Variants in UBE2K observed in about 807,000 individuals in gnomAD.
UBE2K encodes ubiquitin-conjugating enzyme E2 K.
UBE2K carries 6 observed loss-of-function variants against 30.0 expected under a neutral mutation model. The observed-to-expected ratio is 0.20, with a 90% CI of 0.11 to 0.39. UBE2K has a LOEUF of 0.39. Among genes scored for constraint, UBE2K ranks in the 10% least tolerant of loss-of-function variants. UBE2K has a pLI of 1.00. For synonymous variants in UBE2K, 86 were observed against 83.7 expected, an observed-to-expected ratio of 1.03 and a Z score of -0.15; for missense variants, 61 against 241.6, an observed-to-expected ratio of 0.25 and a Z score of 4.96.
chr4:39,753,339 G>T (rs892926405), intron 3 of UBE2K, among the ~76,000 whole-genome samples: 3 of 150,862 alleles, frequency 2.0e-5, no homozygotes, highest in African/African-American at 7.3e-5. Flanking sequence ...ACAGCAGTGA[G>T]ACCTTCTCTG....
At chr4:39,698,929 C>T (rs1717855190) in intron 1 of UBE2K, among the ~76,000 whole-genome samples, 1 of 152,104 alleles carries the variant, frequency 6.6e-6, no homozygotes. Context: ...CAGAGTTAGT[C>T]CTTCTTAGTT....
intron 5 of UBE2K, among the ~76,000 whole-genome samples, chr4:39,775,667 G>A (rs564253547): frequency 2.6e-4 from 39 of 152,250 alleles, no homozygotes; most frequent in African/African-American, 8.9e-4. Flanking sequence ...TGGGAGAATC[G>A]CTTGAACCTG....
chr4:39,724,969 T>C (rs188240745), intron 1 of UBE2K, among the ~76,000 whole-genome samples: 74 of 152,346 alleles, frequency 4.9e-4, no homozygotes, highest in African/African-American at 1.5e-3. Flanking sequence ...TGGGGTTCCT[T>C]AGAGACTTCT....
chr4:39,766,474 AG>A (rs1277858631), intron 4 of UBE2K, among the ~76,000 whole-genome samples: 2 of 147,910 alleles, frequency 1.4e-5, no homozygotes, highest in Non-Finnish European at 3.0e-5. Flanking sequence ...TTTTTTAACC[AG>A]GTTTTTTTTT....
At chr4:39,754,391 T>G (rs147773885) in intron 3 of UBE2K, among the ~76,000 whole-genome samples, 69 of 152,290 alleles carry the variant, frequency 4.5e-4, no homozygotes, top group African/African-American at 1.7e-3. Flanking sequence ...TTAGATTGAA[T>G]ATGAGTTAGC....
chr4:39,759,830 TAAC>T (rs1711773463), intron 4 of UBE2K, among the ~76,000 whole-genome samples: 1 of 152,116 alleles, frequency 6.6e-6, no homozygotes, highest in South Asian at 2.1e-4. Context: ...CACAATAAGA[TAAC>T]TACTACATGC....
intron 1 of UBE2K, among the ~76,000 whole-genome samples, chr4:39,726,015 T>C (rs1008215479): frequency 5.9e-5 from 9 of 152,172 alleles, no homozygotes; most frequent in African/African-American, 1.9e-4. Flanking sequence ...TTGTGGAGGC[T>C]AGAAGTTGGA....
intron 1 of UBE2K, among the ~76,000 whole-genome samples, chr4:39,720,560 A>T (rs1027086575): frequency 6.6e-6 from 1 of 152,184 alleles, no homozygotes; most frequent in Non-Finnish European, 1.5e-5. Flanking sequence ...GTTGACTTTA[A>T]GTAAGGGGAC....
intron 1 of UBE2K, among the ~76,000 whole-genome samples, chr4:39,721,096 T>A (rs1162009088): frequency 6.6e-6 from 1 of 152,164 alleles, no homozygotes; most frequent in Non-Finnish European, 1.5e-5. Flanking sequence ...TACGACTGTT[T>A]TTATTTTTTT....
At chr4:39,728,640 T>C (rs1488438400) in intron 1 of UBE2K, among the ~76,000 whole-genome samples, 3 of 151,558 alleles carry the variant, frequency 2.0e-5, no homozygotes, top group Non-Finnish European at 4.4e-5. Context: ...TTTTCCTTTT[T>C]TCTTTTTTTT....
intron 4 of UBE2K, chr4:39,770,195 C>A: frequency 6.2e-7 from 1 of 1,610,258 alleles, no homozygotes; most frequent in Admixed American, 1.7e-5. Flanking sequence ...GGGCGAAGCG[C>A]ATGTCGCAGT....
intron 1 of UBE2K, among the ~76,000 whole-genome samples, chr4:39,715,188 G>T (rs1027073942): frequency 4.6e-5 from 7 of 151,638 alleles, no homozygotes; most frequent in Admixed American, 1.3e-4. Context: ...ACCACGCCCG[G>T]ATAATTTTTT....
chr4:39,738,174 T>C (rs1236111713), intron 2 of UBE2K, among the ~76,000 whole-genome samples: 1 of 152,222 alleles, frequency 6.6e-6, no homozygotes, highest in East Asian at 1.9e-4. Flanking sequence ...TTAGATTATA[T>C]AGCATATAAC....
chr4:39,714,885 A>G (rs1718959753), intron 1 of UBE2K, among the ~76,000 whole-genome samples: 1 of 151,374 alleles, frequency 6.6e-6, no homozygotes, highest in Admixed American at 6.6e-5. Flanking sequence ...TCTCACTCAC[A>G]CGCTTACCCA....
In UBE2K at chr4:39,780,981, G is replaced by T. The variant is rs759830490; in HGVS notation, c.*2547G>T. On this transcript the variant is annotated 3_prime_UTR_variant, in exon 7 of 7. Transcript: ENST00000261427. ...AGTGAAATCCCATTTAGGGCAGGCC[G>T]ATTTGTTAGAAGTCACTGATGCTCC... 1.3e-5 allele frequency: 2 copies of T among 152,028 alleles called. No homozygotes were observed. The highest frequency in any genetic ancestry group is 2.9e-5 in the Non-Finnish European group (2 of 67,958). The allele number at this position is 152,028 out of a possible 1,614,324, so 9.4% of individuals were successfully genotyped here.
In UBE2K at chr4:39,698,213, G is replaced by A; in HGVS notation, c.-115G>A. Reference sequence around the variant, plus strand: ...GGCCGGGGTGGTAGTGGCAGTGTTCGTGTGCTCAGGTCTGAATCGCCGAGG... The same window carrying A: ...GGCCGGGGTGGTAGTGGCAGTGTTCATGTGCTCAGGTCTGAATCGCCGAGG... On this transcript the variant is annotated 5_prime_UTR_variant, in exon 1 of 7. It adds an upstream start codon to the 5' untranslated region. Transcript: ENST00000261427. 1 of 1,002,240 alleles carries A rather than the reference G, an allele frequency of 1.0e-6. No individual in the cohort carries two copies. Among genetic ancestry groups the A allele is most frequent in the Non-Finnish European group, 1.5e-6 (1 of 646,828 alleles). 62.1% of individuals were successfully genotyped at this position (1,002,240 alleles called of 1,614,324 possible).
chr4:39,736,595 T>A (rs185421968), intron 1 of UBE2K, among the ~76,000 whole-genome samples: 1 of 152,366 alleles, frequency 6.6e-6, no homozygotes, highest in South Asian at 2.1e-4. Flanking sequence ...CGAATGTTAA[T>A]GTGAGTCCCA....
chr4:39,777,926 G>A (rs1713369545), intron 6 of UBE2K, 116 bp downstream of exon 6: 1 of 975,744 alleles, frequency 1.0e-6, no homozygotes, highest in Admixed American at 3.1e-5. Flanking sequence ...TGGGCAACAT[G>A]GCGAAACCCA....
intron 2 of UBE2K, among the ~76,000 whole-genome samples, chr4:39,739,279 C>T (rs546561516): frequency 1.7e-4 from 25 of 151,162 alleles, no homozygotes; most frequent in African/African-American, 5.8e-4. Context: ...GATCTGCCAG[C>T]CTCGGCCTCC....
Sources: gnomAD v4.1 joint callset for allele counts (sites outside exome capture counted in the v4.1 genomes callset) on GRCh38, gnomAD v4.1.1 for gene constraint, MANE v1.5 for transcripts, NCBI Gene and HGNC (gene_info 2026-07-23, HGNC 2026-07-21) for gene names.